The following CDH13 variants were observed in gnomAD, a reference collection of about 807,000 sequenced individuals.
CDH13 encodes cadherin 13, also known as cadherin-13.
In CDH13, 24 loss-of-function variants were observed where a neutral mutation model predicts 63.8. That is an observed-to-expected ratio of 0.38 (90% confidence interval 0.27 to 0.53). The LOEUF (loss-of-function observed/expected upper bound fraction) is 0.53, where lower values mean the gene tolerates loss of function less well. Ranked by LOEUF, CDH13 falls within the 20% of genes least tolerant of loss-of-function variation. The pLI is 0.85. For missense variants in CDH13, 1,049 were observed against 903.1 expected (o/e 1.16, Z -2.07); for synonymous variants, 503 against 355.3 (o/e 1.42, Z -4.67).
At chr16:83,521,431 G>C (rs2074834048) in intron 7 of CDH13, among the ~76,000 whole-genome samples, 1 of 152,046 alleles carries the variant, frequency 6.6e-6, no homozygotes, top group Non-Finnish European at 1.5e-5. Flanking sequence ...GTGACCTTTA[G>C]CAGGTTCCTT....
At chr16:82,663,312 G>T (rs372272685) in intron 1 of CDH13, among the ~76,000 whole-genome samples, 2 of 152,076 alleles carry the variant, frequency 1.3e-5, no homozygotes, top group African/African-American at 4.8e-5. Context: ...TCAGCCTCTG[G>T]AGTAGCTGGG....
intron 6 of CDH13, among the ~76,000 whole-genome samples, chr16:83,451,738 G>T (rs1453476038): frequency 6.6e-6 from 1 of 152,186 alleles, no homozygotes; most frequent in Non-Finnish European, 1.5e-5. Context: ...GGCTGGTCTT[G>T]AACTCCTGGA....
chr16:83,709,978 A>AC (rs11454046), intron 10 of CDH13, among the ~76,000 whole-genome samples: 42,535 of 152,060 alleles, frequency 0.28, 6,319 homozygotes, highest in Middle Eastern at 0.46. Context: ...AATAGTCCAA[A>AC]AAATGGCCTA....
At chr16:83,299,326 T>C (rs1185763023) in intron 5 of CDH13, among the ~76,000 whole-genome samples, 3 of 151,970 alleles carry the variant, frequency 2.0e-5, no homozygotes, top group Admixed American at 6.6e-5. Context: ...CCCCAGAACA[T>C]TATAAGGAAA....
intron 1 of CDH13, among the ~76,000 whole-genome samples, chr16:82,667,884 C>T (rs1470284410): frequency 6.6e-6 from 1 of 152,156 alleles, no homozygotes; most frequent in Non-Finnish European, 1.5e-5. Flanking sequence ...AGTTTCAAAG[C>T]TGTCTCAAAA....
intron 6 of CDH13, among the ~76,000 whole-genome samples, chr16:83,442,630 G>C (rs2072512476): frequency 6.6e-6 from 1 of 152,178 alleles, no homozygotes; most frequent in South Asian, 2.1e-4. Context: ...TATTTTTCTG[G>C]ACTAGATGTA....
chr16:82,818,040 C>T (rs1192290219), intron 1 of CDH13, among the ~76,000 whole-genome samples: 1 of 152,000 alleles, frequency 6.6e-6, no homozygotes, highest in Non-Finnish European at 1.5e-5. Context: ...CACATATTTG[C>T]ATGCATACAT....
chr16:83,123,089 A>C (rs73602298), intron 3 of CDH13, among the ~76,000 whole-genome samples: 3,858 of 152,204 alleles, frequency 0.025, 164 homozygotes, highest in African/African-American at 0.086. Context: ...ATGTGGCTGC[A>C]AAAGACATGA....
chr16:82,912,431 G>A lies in CDH13; in HGVS notation c.157+53958G>A, dbSNP rs148793784. ...TCATGACATAAATGTAGGAATGAAG[G>A]CAAACAGGCCGGCCCTTCCCCCAGA... On this transcript the variant is annotated intron_variant, in intron 2 of 13. Coordinates refer to ENST00000567109, the MANE Select transcript of CDH13 (RefSeq NM_001257.5). Among the ~76,000 whole-genome samples, 11 of 152,304 alleles carry A rather than the reference G, an allele frequency of 7.2e-5. No individual in the cohort carries two copies. The East Asian group carries it at 2.1e-3, about 29-fold the overall frequency.
At chr16:83,741,202 C>T (rs1192263351) in intron 10 of CDH13, among the ~76,000 whole-genome samples, 1 of 152,192 alleles carries the variant, frequency 6.6e-6, no homozygotes, top group African/African-American at 2.4e-5. Flanking sequence ...ACTTTACACT[C>T]AGGGCCATAG....
intron 2 of CDH13, among the ~76,000 whole-genome samples, chr16:82,956,168 A>T (rs1283572419): frequency 6.6e-6 from 1 of 151,168 alleles, no homozygotes; most frequent in African/African-American, 2.4e-5. Flanking sequence ...TGCCAAAACC[A>T]CAAACATGGG....
chr16:83,064,582 A>T (rs768846716), intron 3 of CDH13, among the ~76,000 whole-genome samples: 36 of 152,246 alleles, frequency 2.4e-4, no homozygotes, highest in Non-Finnish European at 3.7e-4. Context: ...TAAGCAACAT[A>T]AAAAGCAATG....
chr16:83,036,599 C>T (rs1240984351), intron 3 of CDH13, among the ~76,000 whole-genome samples: 1 of 152,104 alleles, frequency 6.6e-6, no homozygotes, highest in African/African-American at 2.4e-5. Context: ...CAGCTCAGTG[C>T]CCTTCCCACT....
At chr16:82,881,111 T>C (rs1292716322) in intron 2 of CDH13, among the ~76,000 whole-genome samples, 1 of 152,178 alleles carries the variant, frequency 6.6e-6, no homozygotes, top group East Asian at 1.9e-4. Flanking sequence ...TTCTTTATTG[T>C]TGTGTAATAT....
chr16:82,711,026 T>G (rs957140757), intron 1 of CDH13, among the ~76,000 whole-genome samples: 1 of 151,856 alleles, frequency 6.6e-6, no homozygotes, highest in African/African-American at 2.4e-5. Flanking sequence ...CTTGTGCCAG[T>G]GTTACAATAT....
intron 7 of CDH13, among the ~76,000 whole-genome samples, chr16:83,517,442 C>G (rs1266525524): frequency 6.6e-6 from 1 of 152,186 alleles, no homozygotes; most frequent in Non-Finnish European, 1.5e-5. Context: ...GGGATCCAGG[C>G]TGACAGAGGC....
At chr16:83,336,937 C>G (rs981012950) in intron 5 of CDH13, among the ~76,000 whole-genome samples, 1 of 152,134 alleles carries the variant, frequency 6.6e-6, no homozygotes, top group East Asian at 1.9e-4. Context: ...ATCAGTACAT[C>G]CCTTTGGGTA....
chr16:83,790,713 A>T (rs16961823), intron 13 of CDH13, among the ~76,000 whole-genome samples: 19,778 of 152,090 alleles, frequency 0.13, 2,158 homozygotes, highest in African/African-American at 0.3. Context: ...CGGTTGTTGT[A>T]GTATAAAGTG....
intron 7 of CDH13, among the ~76,000 whole-genome samples, chr16:83,576,822 G>C (rs1245721436): frequency 6.6e-5 from 10 of 152,156 alleles, no homozygotes; most frequent in Admixed American, 6.5e-4. Context: ...GAGAAATGTT[G>C]ATTCAAGTAT....
Sources: allele counts gnomAD v4.1 joint callset (sites outside exome capture counted in the v4.1 genomes callset), GRCh38; gene constraint gnomAD v4.1.1; transcripts MANE v1.5; gene names NCBI Gene and HGNC (gene_info 2026-07-23, HGNC 2026-07-21).